The following INVS variants were observed in gnomAD, a reference collection of about 807,000 sequenced individuals.
The protein encoded by INVS is inversion of embryo turning homolog.
A neutral mutation model predicts 108.8 loss-of-function variants in INVS; 86 were observed. The observed-to-expected ratio is 0.79, with a 90% confidence interval of 0.66 to 0.95. INVS has a LOEUF of 0.95. Among genes scored for constraint, INVS ranks in the 40% least tolerant of loss-of-function variants. The pLI, the probability that INVS is intolerant of heterozygous loss-of-function variation, is 0.00. For missense variants in INVS, 1,169 were observed against 1,297.4 expected, an observed-to-expected ratio of 0.90 and a Z score of 1.52; for synonymous variants, 455 against 473.5, an observed-to-expected ratio of 0.96 and a Z score of 0.51.
At chr9:100,157,808 G>C (rs760918546) in intron 3 of INVS, among the ~76,000 whole-genome samples, 5 of 152,092 alleles carry the variant, frequency 3.3e-5, no homozygotes, top group Non-Finnish European at 4.4e-5. Flanking sequence ...CTGAGTTTCA[G>C]ATCTTTGGCT....
rs778453251 is a variant in INVS, at chr9:100,300,611, A to ATCT, written c.3137_3138insTTC (p.Ser1046dup). 7.6e-5 allele frequency: 123 copies of ATCT among 1,613,922 alleles called. No homozygotes were observed. Among genetic ancestry groups the ATCT allele is most frequent in the Non-Finnish European group, 9.8e-5 (116 of 1,179,928 alleles). The stretch of plus-strand genomic sequence containing the variant: ...TACATCTCCTTGAGAACAGTGGAAG[A>ATCT]TCAAAGAACTTTTCTTATAACCTGC... On this transcript the variant is annotated inframe_insertion, in exon 17 of 17. Coordinates refer to ENST00000262457, the MANE Select transcript of INVS (RefSeq NM_014425.5).
At chr9:100,289,600 C>T (rs973411320) in intron 13 of INVS, among the ~76,000 whole-genome samples, 3 of 152,166 alleles carry the variant, frequency 2.0e-5, no homozygotes, top group African/African-American at 7.2e-5. Context: ...AAGATGGCCG[C>T]CTTCATATAT....
chr9:100,118,355 C>A (rs1827616431), intron 2 of INVS, among the ~76,000 whole-genome samples: 2 of 151,600 alleles, frequency 1.3e-5, no homozygotes, highest in South Asian at 2.1e-4. Context: ...ATTACAGACG[C>A]CCGCCACCAC....
rs1455383533 is a variant in INVS, at chr9:100,246,708, C to T, written c.999C>T (p.Gly333=). 1.2e-6 allele frequency: 2 copies of T among 1,613,578 alleles called. No individual in the cohort carries two copies. The highest frequency in any genetic ancestry group is 2.7e-5 in the African/African-American group (2 of 74,908). ...CCTTTATGTGGGCAGCTGGCAAAGG[C>T]AGTGATGATGTCCTTAGAACTATGC... ...RTSFMWAAGK[G]SDDVLRTMLS... The change falls in exon 8 of 17, where the codon GGC becomes GGT. Residue 333 remains glycine (G), a synonymous_variant. Transcript: ENST00000262457.
chr9:100,166,771 C>T (rs1172138357), intron 3 of INVS, among the ~76,000 whole-genome samples: 2 of 152,136 alleles, frequency 1.3e-5, no homozygotes, highest in African/African-American at 4.8e-5. Context: ...TGGTCCTAGC[C>T]ACCATCATGT....
chr9:100,214,104 G>A (rs1830916559), intron 3 of INVS, among the ~76,000 whole-genome samples: 1 of 152,090 alleles, frequency 6.6e-6, no homozygotes, highest in Non-Finnish European at 1.5e-5. Context: ...TACTTAACAA[G>A]ACTCCAAGTA....
At chr9:100,181,570 A>G (rs1829888733) in intron 3 of INVS, among the ~76,000 whole-genome samples, 1 of 152,156 alleles carries the variant, frequency 6.6e-6, no homozygotes, top group Admixed American at 6.6e-5. Flanking sequence ...GATGTGAAAG[A>G]CCTCTTCAAG....
At chr9:100,211,163 T>A (rs1588091442) in intron 3 of INVS, among the ~76,000 whole-genome samples, 2 of 151,430 alleles carry the variant, frequency 1.3e-5, no homozygotes, top group South Asian at 2.1e-4. Flanking sequence ...AAAAAAAAAA[T>A]GTTGTCCTTA....
chr9:100,238,739 T>C (rs1831770636), intron 5 of INVS, among the ~76,000 whole-genome samples: 1 of 152,230 alleles, frequency 6.6e-6, no homozygotes, highest in African/African-American at 2.4e-5. Flanking sequence ...CCCTATCCAT[T>C]GAACTGTTAA....
At position 100,117,477 on chromosome 9, in the gene INVS, C is replaced by G; in HGVS notation, c.107-8906C>G. 3.8e-6 allele frequency: 3 copies of G among 782,220 alleles called. No individual in the cohort carries two copies. The Middle Eastern group carries it at 1.0e-3, about 269-fold the overall frequency. The allele number at this position is 782,220 out of a possible 1,614,324, so 48.5% of individuals were successfully genotyped here. ...ATGCACTCCTTATCCTCGGCCTTGC[C>G]TTCTCGAGCTCCACGGCCTCAGCCC... On this transcript the variant is annotated intron_variant, in intron 2 of 16. Coordinates refer to ENST00000262457, the MANE Select transcript of INVS (RefSeq NM_014425.5).
chr9:100,132,445 A>G (rs1828082526), intron 3 of INVS, among the ~76,000 whole-genome samples: 1 of 152,198 alleles, frequency 6.6e-6, no homozygotes, highest in Non-Finnish European at 1.5e-5. Context: ...ATGCTCTTGT[A>G]TGCCTCAATT....
chr9:100,129,410 G>A (rs1439974469), intron 3 of INVS, among the ~76,000 whole-genome samples: 1 of 151,946 alleles, frequency 6.6e-6, no homozygotes, highest in Non-Finnish European at 1.5e-5. Flanking sequence ...AGGTGGAAGG[G>A]TCGCTTGAGC....
At position 100,215,662 on chromosome 9, in the gene INVS, C is replaced by A. The variant is rs545821234; in HGVS notation, c.274-10400C>A. 2.0e-5 allele frequency among the ~76,000 whole-genome samples: 3 copies of A among 152,248 alleles called. No individual in the cohort carries two copies. In the South Asian group the frequency reaches 6.2e-4, roughly 32 times the overall value. The stretch of plus-strand genomic sequence containing the variant: ...GTCAGACTATAGAAGGTCTAGGAAC[C>A]CCAAAACATGGTCCTCAGTGCTATA... On this transcript the variant is annotated intron_variant, in intron 3 of 16. Coordinates refer to ENST00000262457, the MANE Select transcript of INVS (RefSeq NM_014425.5).
chr9:100,247,450 A>T (rs1832081137), intron 8 of INVS, among the ~76,000 whole-genome samples: 1 of 152,170 alleles, frequency 6.6e-6, no homozygotes, highest in African/African-American at 2.4e-5. Context: ...TGTGTACTGT[A>T]TCGTACTTAC....
intron 10 of INVS, among the ~76,000 whole-genome samples, chr9:100,262,662 C>T (rs892623314): frequency 3.5e-5 from 4 of 115,838 alleles, no homozygotes; most frequent in Non-Finnish European, 3.5e-5. Flanking sequence ...AAAAAAAAAA[C>T]TTGATATTCA....
intron 2 of INVS, among the ~76,000 whole-genome samples, chr9:100,124,102 C>T (rs1163036850): frequency 6.6e-6 from 1 of 151,764 alleles, no homozygotes; most frequent in South Asian, 2.1e-4. Flanking sequence ...AGCCACCCTG[C>T]TGGGTCTATG....
rs1424846865 is a variant in INVS at position 100,100,573 on chromosome 9, T to C, written c.-25+1157T>C. 2.9e-5 allele frequency among the ~76,000 whole-genome samples: 3 copies of C among 102,794 alleles called. No individual in the cohort carries two copies. The Admixed American group carries it at 4.9e-4, about 17-fold the overall frequency. 67.4% of individuals were successfully genotyped at this position (102,794 alleles called of 152,430 possible). A position where few individuals can be genotyped will look rare whatever the true frequency, so the allele number is the denominator to read the frequency against. On this transcript the variant is annotated intron_variant, in intron 1 of 16. Coordinates refer to ENST00000262457, the MANE Select transcript of INVS (RefSeq NM_014425.5). ...TAAGAATTATGAAGTAAAAAGTATA[T>C]ATATATAATATATATAATATATGTA...
intron 10 of INVS, 57 bp from the exon 11 acceptor site, chr9:100,264,765 A>G (rs113392543): frequency 4.6e-4 from 529 of 1,162,514 alleles, no homozygotes; most frequent in Non-Finnish European, 5.9e-4. Flanking sequence ...AGCATAAATA[A>G]CCACATATCC....
chr9:100,104,647 A>G lies in INVS; in HGVS notation c.106+20A>G, dbSNP rs1365668094. On this transcript the variant is annotated intron_variant, in intron 2 of 16. Transcript: ENST00000262457. ...TCGTAGGTAAGCAGTCCCCTTAAGT[A>G]CAGAAACTTTAAAAGCAACTGTTTG... 2.0e-6 allele frequency: 3 copies of G among 1,538,426 alleles called. No homozygotes were observed. Among genetic ancestry groups the G allele is most frequent in the African/African-American group, 1.4e-5 (1 of 73,478 alleles).
Sources: gnomAD v4.1 joint callset for allele counts (sites outside exome capture counted in the v4.1 genomes callset) on GRCh38, gnomAD v4.1.1 for gene constraint, MANE v1.5 for transcripts, NCBI Gene and HGNC (gene_info 2026-07-23, HGNC 2026-07-21) for gene names.